The following F11 variants were observed in gnomAD, a reference collection of about 807,000 sequenced individuals.
The protein encoded by F11 is coagulation factor XI, also known as coagualtion factor XI.
In F11, 78 loss-of-function variants were observed where a neutral mutation model predicts 76.5. The observed-to-expected ratio is 1.02, with a 90% confidence interval of 0.85 to 1.23. F11 has a LOEUF of 1.23. Ranked by LOEUF, F11 falls within the 50% of genes most tolerant of loss-of-function variation. F11 has a pLI of 0.00. For missense variants in F11, 742 were observed against 771.4 expected (o/e 0.96, Z 0.45); for synonymous variants, 278 against 276.3 (o/e 1.01, Z -0.06).
At position 186,276,356 on chromosome 4, in the gene F11, T is replaced by A; in HGVS notation, c.721T>A (p.Phe241Ile). 6.2e-7 allele frequency: 1 copy of A among 1,614,122 alleles called. No individual in the cohort carries two copies. Among genetic ancestry groups the A allele is most frequent in the Non-Finnish European group, 8.5e-7 (1 of 1,180,014 alleles). ...TCATCCCGGTTGCTTGTTTTTTACC[T>A]TCTTTTCCCAGGAATGGCCCAAAGA... is the stretch of plus-strand genomic sequence containing the variant. ...THHPGCLFFT[F>I]FSQEWPKESQ... The change falls in exon 7 of 15, where the codon TTC (phenylalanine) becomes ATC (isoleucine). Residue 241 changes from phenylalanine (F) to isoleucine (I), a missense_variant. Coordinates refer to ENST00000403665, the MANE Select transcript of F11 (RefSeq NM_000128.4).
rs1233459310 is a variant in F11, at chr4:186,288,771, T to A, written c.*157T>A. On this transcript the variant is annotated 3_prime_UTR_variant, in exon 15 of 15. Transcript: ENST00000403665. ...TAGAAGAAAACAAACTGTCACAAGTTGTTATGTCCAAAACTCCCGTTCTAT... is the reference window on the plus strand; with the variant it reads ...TAGAAGAAAACAAACTGTCACAAGTAGTTATGTCCAAAACTCCCGTTCTAT... 4 of 817,514 alleles carry A rather than the reference T, an allele frequency of 4.9e-6. No individual in the cohort carries two copies. Among genetic ancestry groups the A allele is most frequent in the Admixed American group, 2.1e-5 (1 of 47,226 alleles). 50.6% of individuals were successfully genotyped at this position (817,514 alleles called of 1,614,324 possible). A position where few individuals can be genotyped will look rare whatever the true frequency, so the allele number is the denominator to read the frequency against.
chr4:186,285,765 G>A lies in F11; in HGVS notation c.1432G>A (p.Gly478Arg), dbSNP rs542967227. 5.5e-5 allele frequency: 88 copies of A among 1,614,162 alleles called. No individual in the cohort carries two copies. The South Asian group carries it at 7.8e-4, about 14-fold the overall frequency. Residue 478 changes from glycine to arginine, a missense_variant, in exon 12 of 15, where the codon GGG (glycine) becomes AGG (arginine). Coordinates refer to ENST00000403665, the MANE Select transcript of F11 (RefSeq NM_000128.4). ...IHDQYKMAES[G>R]YDIALLKLET... is the part of the protein sequence containing the mutation. ...TGATCAGTATAAAATGGCAGAAAGC[G>A]GGTATGATATTGCCTTGTTGAAACT...
At position 186,274,256 on chromosome 4, in the gene F11, T is replaced by G; in HGVS notation, c.466T>G (p.Phe156Val). The change falls in exon 5 of 15, where the codon TTT becomes GTT. Residue 156 changes from phenylalanine (F) to valine (V), a missense_variant. Phe to Val is a conservative substitution (Grantham distance 50, BLOSUM62 -1). Coordinates refer to ENST00000403665, the MANE Select transcript of F11 (RefSeq NM_000128.4). ...CHFFTYATRQ[F>V]PSLEHRNICL... is the part of the protein sequence containing the mutation. ...CTTTTTCACGTACGCCACAAGGCAG[T>G]TTCCCAGCCTGGAGCATCGGTGAGT... 1.2e-6 allele frequency: 2 copies of G among 1,614,196 alleles called. No homozygotes were observed. The highest frequency in any genetic ancestry group is 1.7e-6 in the Non-Finnish European group (2 of 1,180,040).
At chr4:186,285,547 T>C (rs984126779) in intron 11 of F11, 91 bp from the exon 12 acceptor site, 2 of 1,310,864 alleles carry the variant, frequency 1.5e-6, no homozygotes, top group African/African-American at 2.9e-5. Flanking sequence ...GCAGAAAATA[T>C]TAGTAATAAT....
Position 186,275,786 on chromosome 4 carries a change from G to T in F11, c.486-1G>T. On this transcript the variant is annotated splice_acceptor_variant, in intron 5 of 14. Transcript: ENST00000403665. LOFTEE classifies it high-confidence loss of function. ...CACTTTTCCTTTTTCTTTTTATTCA[G>T]TAACATTTGTCTACTGAAGCACACC... 6.2e-7 allele frequency: 1 copy of T among 1,607,136 alleles called. No homozygotes were observed. The highest frequency in any genetic ancestry group is 8.5e-7 in the Non-Finnish European group (1 of 1,174,420).
rs1023224624 is a variant in F11, at chr4:186,285,808, A to G, written c.1475A>G (p.Tyr492Cys). The G allele has an allele frequency of 6.2e-7, 1 of 1,614,060 alleles. No individual in the cohort carries two copies. Among genetic ancestry groups the G allele is most frequent in the Non-Finnish European group, 8.5e-7 (1 of 1,180,032 alleles). Residue 492 changes from tyrosine to cysteine, a missense_variant, in exon 12 of 15, where the codon TAC becomes TGC. Physicochemically the swap from Tyr to Cys is radical, Grantham distance 194. Transcript: ENST00000403665. ...ALLKLETTVNYTDSQRPICLP... is the reference protein window; with the variant it reads ...ALLKLETTVNCTDSQRPICLP... ...TTGAAACTGGAAACCACAGTGAATT[A>G]CACAGGTACGGAGAATTTTATCCGG...
rs1191238961 is a variant in F11, at chr4:186,280,040, A to G, written c.784A>G (p.Ser262Gly). Residue 262 changes from serine to glycine, a missense_variant, in exon 8 of 15, where the codon AGT becomes GGT. By Grantham distance (56) the Ser-to-Gly change is moderately conservative (BLOSUM62 0). Coordinates refer to ENST00000403665, the MANE Select transcript of F11 (RefSeq NM_000128.4). The part of the protein sequence containing the change: ...RNLCLLKTSE[S>G]GLPSTRIKKS... ...TCTTTGTCTCCTTAAAACATCTGAGAGTGGATTGCCCAGTACACGCATTAA... is the reference window on the plus strand; with the variant it reads ...TCTTTGTCTCCTTAAAACATCTGAGGGTGGATTGCCCAGTACACGCATTAA... The G allele has an allele frequency of 1.2e-6, 2 of 1,613,820 alleles. No individual in the cohort carries two copies. The highest frequency in any genetic ancestry group is 1.7e-6 in the Non-Finnish European group (2 of 1,179,886).
chr4:186,267,324 C>A, intron 2 of F11, 133 bp downstream of exon 2: 1 of 733,684 alleles, frequency 1.4e-6, no homozygotes, highest in South Asian at 1.5e-5. Flanking sequence ...CTGCCTGAGG[C>A]TCCAGAGGTT....
At chr4:186,285,322 C>T (rs1363337021) in intron 11 of F11, among the ~76,000 whole-genome samples, 2 of 150,662 alleles carry the variant, frequency 1.3e-5, no homozygotes, top group African/African-American at 2.4e-5. Flanking sequence ...CAGCGGTCTT[C>T]GTGTGTGTGT....
intron 10 of F11, 106 bp from the exon 11 acceptor site, chr4:186,283,986 T>A: frequency 1.3e-6 from 2 of 1,572,560 alleles, no homozygotes; most frequent in Non-Finnish European, 8.7e-7. Flanking sequence ...AGGGTCATGA[T>A]AAACTATTGA....
At chr4:186,286,000 T>C in intron 12 of F11, 187 bp downstream of exon 12, 1 of 686,156 alleles carries the variant, frequency 1.5e-6, no homozygotes, top group South Asian at 1.8e-5. Flanking sequence ...TGAAACTTAT[T>C]TTGGGAATGT....
intron 11 of F11, among the ~76,000 whole-genome samples, chr4:186,284,922 C>G (rs964672840): frequency 1.3e-5 from 2 of 152,092 alleles, no homozygotes; most frequent in Non-Finnish European, 2.9e-5. Flanking sequence ...TGTGCTCCAG[C>G]CTGAGCAACA....
At chr4:186,282,827 T>C in intron 10 of F11, 1 of 985,366 alleles carries the variant, frequency 1.0e-6, no homozygotes, top group Non-Finnish European at 1.2e-6. Context: ...TAGCTGCTGT[T>C]TCCTTCCGAA....
intron 2 of F11, among the ~76,000 whole-genome samples, chr4:186,269,363 C>G (rs1739746898): frequency 1.3e-5 from 2 of 152,222 alleles, no homozygotes; most frequent in African/African-American, 4.8e-5. Flanking sequence ...TGTTTATCAA[C>G]AGGTGACTGG....
In F11 at chr4:186,281,134, G is replaced by A. The variant is rs1740771166; in HGVS notation, c.1135+554G>A. 2.6e-5 allele frequency among the ~76,000 whole-genome samples: 4 copies of A among 152,106 alleles called. No individual in the cohort carries two copies. In the South Asian group the frequency reaches 8.3e-4, roughly 31 times the overall value. ...GGCCTCCCAAAGTTCTGGGATTACAGGCTTCAGCCACTGCACCCAGCCACA... is the reference window on the plus strand; with the variant it reads ...GGCCTCCCAAAGTTCTGGGATTACAAGCTTCAGCCACTGCACCCAGCCACA... On this transcript the variant is annotated intron_variant, in intron 10 of 14. Transcript: ENST00000403665.
At chr4:186,277,282 C>A (rs916064085) in intron 7 of F11, among the ~76,000 whole-genome samples, 1 of 152,156 alleles carries the variant, frequency 6.6e-6, no homozygotes, top group African/African-American at 2.4e-5. Flanking sequence ...ATATTCTATA[C>A]ACCACATTTT....
chr4:186,287,876 C>G (rs1741327238), intron 14 of F11, 53 bp downstream of exon 14: 1 of 1,577,710 alleles, frequency 6.3e-7, no homozygotes, highest in Non-Finnish European at 8.7e-7. Flanking sequence ...ATGCTTAATG[C>G]GTTGGGGTTT....
chr4:186,280,416 C>A, intron 9 of F11, 31 bp downstream of exon 9: 1 of 1,614,120 alleles, frequency 6.2e-7, no homozygotes, highest in Non-Finnish European at 8.5e-7. Flanking sequence ...TGCAGACACC[C>A]TTGTCCCGTC....
At chr4:186,280,147 C>T (rs1324440975) in intron 8 of F11, 26 bp downstream of exon 8, 1 of 1,613,768 alleles carries the variant, frequency 6.2e-7, no homozygotes, top group East Asian at 2.2e-5. Context: ...TGCATTCTGG[C>T]TGAGAGTGAC....
Sources: gnomAD v4.1 joint callset for allele counts (sites outside exome capture counted in the v4.1 genomes callset) on GRCh38, gnomAD v4.1.1 for gene constraint, MANE v1.5 for transcripts, NCBI Gene and HGNC (gene_info 2026-07-23, HGNC 2026-07-21) for gene names.